Variants in C6orf52 observed in about 807,000 individuals in gnomAD.
C6orf52 encodes chromosome 6 open reading frame 52, also known as putative uncharacterized protein C6orf52.
C6orf52 carries 16 observed loss-of-function variants against 16.6 expected under a neutral mutation model. The observed-to-expected ratio is 0.96, with a 90% CI of 0.65 to 1.46. C6orf52 has a LOEUF of 1.46. Among genes scored for constraint, C6orf52 ranks in the 40% most tolerant of loss-of-function variants. The pLI, the probability that C6orf52 is intolerant of heterozygous loss-of-function variation, is 0.00. For missense variants in C6orf52, 166 were observed against 182.3 expected, an observed-to-expected ratio of 0.91 and a Z score of 0.52; for synonymous variants, 53 against 61.4, an observed-to-expected ratio of 0.86 and a Z score of 0.64.
chr6:10,690,699 A>G (rs1282636971), intron 1 of C6orf52, among the ~76,000 whole-genome samples: 4 of 152,260 alleles, frequency 2.6e-5, no homozygotes, highest in Non-Finnish European at 2.9e-5. Context: ...CTCAAGAGCA[A>G]AAACCTTTTC....
At chr6:10,684,529 G>A (rs921880355) in intron 3 of C6orf52, among the ~76,000 whole-genome samples, 1 of 152,212 alleles carries the variant, frequency 6.6e-6, no homozygotes, top group African/African-American at 2.4e-5. Context: ...CCTGTGCTGT[G>A]TATGCAGCTG....
At position 10,687,079 on chromosome 6, in the gene C6orf52, A is replaced by G. The variant is rs1561878849; in HGVS notation, c.157T>C (p.Ser53Pro). The stretch of plus-strand genomic sequence containing the variant: ...TAGCTGTAGCCAGAAAGAAGGTAAG[A>G]GCCGTGCTGTCGCGCATACCAGTTG... ...YGNWYARQHGSYLLSGYSYGC... is the reference protein window; with the variant it reads ...YGNWYARQHGPYLLSGYSYGC... Residue 53 changes from serine (S) to proline (P), a missense_variant, in exon 3 of 5, where the codon TCT becomes CCT. Transcript: ENST00000259983. 6.4e-7 allele frequency: 1 copy of G among 1,551,982 alleles called. No homozygotes were observed. The highest frequency in any genetic ancestry group is 8.7e-7 in the Non-Finnish European group (1 of 1,147,000).
chr6:10,687,302 T>C (rs1768938861), intron 2 of C6orf52, 138 bp from the exon 3 acceptor site: 2 of 789,098 alleles, frequency 2.5e-6, no homozygotes, highest in Admixed American at 5.4e-5. Flanking sequence ...AGATGACGGG[T>C]TGATGGGTGC....
At chr6:10,676,353 G>A (rs189805140) in intron 4 of C6orf52, among the ~76,000 whole-genome samples, 43 of 152,158 alleles carry the variant, frequency 2.8e-4, no homozygotes, top group African/African-American at 9.4e-4. Context: ...GAAAGTCCTC[G>A]GTAAGGTTTT....
intron 1 of C6orf52, among the ~76,000 whole-genome samples, chr6:10,690,848 T>G (rs1422198064): frequency 1.3e-5 from 2 of 152,224 alleles, no homozygotes; most frequent in African/African-American, 4.8e-5. Flanking sequence ...ATCCTGTATT[T>G]GGAAAGAGAA....
chr6:10,687,812 G>GCCCCTCTCTCCCAA (rs1408580962), intron 1 of C6orf52, among the ~76,000 whole-genome samples: 1 of 152,130 alleles, frequency 6.6e-6, no homozygotes, highest in East Asian at 1.9e-4. Context: ...CCACCTGCCA[G>GCCCCTCTCTCCCAA]CCCCTCTCTC....
intron 1 of C6orf52, among the ~76,000 whole-genome samples, chr6:10,689,238 T>C (rs1242118388): frequency 2.6e-5 from 4 of 152,242 alleles, no homozygotes; most frequent in African/African-American, 9.6e-5. Flanking sequence ...CCCAAAGTTC[T>C]GGGATTACAG....
chr6:10,685,865 T>G (rs1415872885), intron 3 of C6orf52, among the ~76,000 whole-genome samples: 1 of 152,200 alleles, frequency 6.6e-6, no homozygotes, highest in African/African-American at 2.4e-5. Flanking sequence ...TCATGCAGAC[T>G]TTAGGTAACT....
chr6:10,671,871 A>ATT (rs1240298594), intron 4 of C6orf52, among the ~76,000 whole-genome samples: 3 of 152,274 alleles, frequency 2.0e-5, no homozygotes, highest in Admixed American at 6.5e-5. Flanking sequence ...TGGGGGATGG[A>ATT]TTCAATTTGG....
chr6:10,671,835 A>G (rs1767448826), intron 4 of C6orf52, among the ~76,000 whole-genome samples: 1 of 152,158 alleles, frequency 6.6e-6, no homozygotes, highest in Non-Finnish European at 1.5e-5. Flanking sequence ...GAGATGGAGG[A>G]AAAAAATGGA....
chr6:10,679,868 T>C (rs938952434), intron 4 of C6orf52, among the ~76,000 whole-genome samples: 3 of 152,214 alleles, frequency 2.0e-5, no homozygotes, highest in Admixed American at 1.3e-4. Flanking sequence ...TGGACTCTAT[T>C]GTATTGAGGT....
chr6:10,686,970 G>T lies in C6orf52; in HGVS notation c.266C>A (p.Pro89His), dbSNP rs1429489908. 2.6e-6 allele frequency: 4 copies of T among 1,545,304 alleles called. No individual in the cohort carries two copies. Among genetic ancestry groups the T allele is most frequent in the Non-Finnish European group, 3.5e-6 (4 of 1,143,742 alleles). Residue 89 changes from proline to histidine, a missense_variant, in exon 3 of 5, where the codon CCT (proline) becomes CAT (histidine). Physicochemically the swap from Pro to His is moderately conservative, Grantham distance 77. Coordinates refer to ENST00000259983, the MANE Select transcript of C6orf52 (RefSeq NM_001145020.3). The part of the protein sequence containing the change: ...PEHTAGTLVM[P>H]KETTPLAENQ... ...ATTCATTCTAGCAAGGGATACCTTA[G>T]GCATAACCAGAGTTCCAGCTGTGTG...
intron 3 of C6orf52, among the ~76,000 whole-genome samples, chr6:10,686,208 A>G (rs1267337993): frequency 1.3e-5 from 2 of 152,142 alleles, no homozygotes; most frequent in Admixed American, 1.3e-4. Context: ...TAAGTGGACG[A>G]TTTTTTAAAG....
At chr6:10,689,052 A>T (rs1387136291) in intron 1 of C6orf52, among the ~76,000 whole-genome samples, 1 of 152,108 alleles carries the variant, frequency 6.6e-6, no homozygotes, top group Non-Finnish European at 1.5e-5. Context: ...ATCTCTCCTC[A>T]CTGCAACCTG....
intron 4 of C6orf52, among the ~76,000 whole-genome samples, chr6:10,678,183 TAAA>T (rs377733205): frequency 3.9e-5 from 4 of 101,604 alleles, no homozygotes; most frequent in Non-Finnish European, 4.0e-5. Context: ...GAGACTGTCT[TAAA>T]AAAAAAAAAA....
At chr6:10,684,078 C>G (rs1227854316) in intron 3 of C6orf52, among the ~76,000 whole-genome samples, 1 of 152,136 alleles carries the variant, frequency 6.6e-6, no homozygotes, top group Non-Finnish European at 1.5e-5. Flanking sequence ...CTGAAATATA[C>G]TGAGGTTTGG....
upstream of C6orf52, chr6:10,694,624 C>T (rs1769711259): frequency 1.0e-5 from 2 of 191,728 alleles, no homozygotes; most frequent in South Asian, 8.9e-5. Context: ...GTCGGCCCCA[C>T]CTCCTCCTGA....
rs1769690076 is a variant in C6orf52, at chr6:10,694,552, TA to T, written c.-71del. On this transcript the variant is annotated 5_prime_UTR_variant, in exon 1 of 5. Transcript: ENST00000259983. ...CCCTGAACAAAAACTCCTACCCTAC[TA>T]GTACACAGCCCACAACAATGCACGC... The T allele has an allele frequency of 6.0e-6, 1 of 166,234 alleles. No homozygotes were observed. The highest frequency in any genetic ancestry group is 2.4e-5 in the African/African-American group (1 of 41,594). The allele number at this position is 166,234 out of a possible 1,614,324, so 10.3% of individuals were successfully genotyped here.
At chr6:10,671,867 A>T (rs1230583350) in intron 4 of C6orf52, among the ~76,000 whole-genome samples, 4 of 152,128 alleles carry the variant, frequency 2.6e-5, no homozygotes, top group African/African-American at 9.7e-5. Flanking sequence ...TGCTTGGGGG[A>T]TGGATTCAAT....
Sources: gnomAD v4.1 joint callset for allele counts (sites outside exome capture counted in the v4.1 genomes callset) on GRCh38, gnomAD v4.1.1 for gene constraint, MANE v1.5 for transcripts, NCBI Gene and HGNC (gene_info 2026-07-23, HGNC 2026-07-21) for gene names.